Variants in ST6GAL2 observed in about 807,000 individuals in gnomAD.
ST6GAL2 encodes ST6 beta-galactoside alpha-2,6-sialyltransferase 2.
Under a neutral mutation model 37.5 loss-of-function variants are expected in ST6GAL2, and 24 were observed. The ratio of observed to expected loss-of-function variants is 0.64; its 90% CI spans 0.46 to 0.90. ST6GAL2 has a LOEUF of 0.90. ST6GAL2 is among the 40% of genes least tolerant of loss of function. The probability of loss-of-function intolerance (pLI) is 0.00; values close to 1 mark genes in which losing one functional copy is unlikely to be tolerated. For missense variants in ST6GAL2, 715 were observed against 712.7 expected, an observed-to-expected ratio of 1.00 and a Z score of -0.04; for synonymous variants, 306 against 295.1, an observed-to-expected ratio of 1.04 and a Z score of -0.38.
chr2:106,818,345 T>A (rs1443650405), intron 5 of ST6GAL2, among the ~76,000 whole-genome samples: 2 of 152,102 alleles, frequency 1.3e-5, no homozygotes, highest in African/African-American at 4.8e-5. Flanking sequence ...TGTCCCCCCT[T>A]CCCCACTCTA....
intron 1 of ST6GAL2, among the ~76,000 whole-genome samples, chr2:106,845,579 T>C (rs1256674600): frequency 4.6e-5 from 7 of 152,278 alleles, no homozygotes; most frequent in African/African-American, 1.7e-4. Flanking sequence ...TGTAATACAA[T>C]GGTTGTGTTT....
At chr2:106,872,189 GTA>G (rs1254381281) in intron 1 of ST6GAL2, among the ~76,000 whole-genome samples, 1 of 152,208 alleles carries the variant, frequency 6.6e-6, no homozygotes, top group Non-Finnish European at 1.5e-5. Flanking sequence ...ACTGAATGTT[GTA>G]TGTGGCACTT....
intron 1 of ST6GAL2, among the ~76,000 whole-genome samples, chr2:106,852,911 TC>T (rs1192624289): frequency 6.6e-6 from 1 of 152,196 alleles, no homozygotes. Flanking sequence ...TCACATTGTC[TC>T]GATTCCTCGT....
At chr2:106,814,153 C>A (rs1181734925) in intron 5 of ST6GAL2, among the ~76,000 whole-genome samples, 1 of 152,146 alleles carries the variant, frequency 6.6e-6, no homozygotes, top group Non-Finnish European at 1.5e-5. Context: ...ATTTTTAGCT[C>A]ATTTACACTG....
At chr2:106,843,005 G>A in intron 2 of ST6GAL2, 30 bp downstream of exon 2, 1 of 1,352,912 alleles carries the variant, frequency 7.4e-7, no homozygotes. Flanking sequence ...GCTCAAGACA[G>A]GGCGACCTGG....
intron 5 of ST6GAL2, among the ~76,000 whole-genome samples, chr2:106,818,991 G>T (rs1675903967): frequency 6.6e-6 from 1 of 152,006 alleles, no homozygotes; most frequent in South Asian, 2.1e-4. Context: ...AATTATTCAA[G>T]CAGAAGAAAG....
At chr2:106,845,978 G>A (rs984137833) in intron 1 of ST6GAL2, among the ~76,000 whole-genome samples, 2 of 152,138 alleles carry the variant, frequency 1.3e-5, no homozygotes, top group Admixed American at 1.3e-4. Flanking sequence ...CATCGAGGAA[G>A]CCCAAGCTAG....
chr2:106,872,667 TG>T (rs1412544559), intron 1 of ST6GAL2, among the ~76,000 whole-genome samples: 2 of 109,436 alleles, frequency 1.8e-5, no homozygotes, highest in African/African-American at 6.8e-5. Context: ...TGGAGTGCAG[TG>T]GCATGATCTC....
At chr2:106,829,092 G>T (rs1268519831) in intron 5 of ST6GAL2, among the ~76,000 whole-genome samples, 2 of 152,184 alleles carry the variant, frequency 1.3e-5, no homozygotes, top group Admixed American at 6.5e-5. Flanking sequence ...CTATCCTGTG[G>T]TCACAGATTC....
intron 4 of ST6GAL2, among the ~76,000 whole-genome samples, chr2:106,830,607 A>T (rs991492934): frequency 1.3e-5 from 2 of 152,220 alleles, no homozygotes; most frequent in Admixed American, 6.5e-5. Flanking sequence ...AGTCATGGAC[A>T]ATAAATACTG....
chr2:106,807,450 A>C (rs745835478), intron 5 of ST6GAL2, among the ~76,000 whole-genome samples: 1 of 152,214 alleles, frequency 6.6e-6, no homozygotes, highest in Non-Finnish European at 1.5e-5. Context: ...AAAACTGTAC[A>C]ATGGATCAGC....
intron 1 of ST6GAL2, among the ~76,000 whole-genome samples, chr2:106,861,536 A>G (rs1204280112): frequency 6.6e-6 from 1 of 152,218 alleles, no homozygotes; most frequent in Admixed American, 6.5e-5. Context: ...AATTTAGTGG[A>G]AATAACTGGT....
At chr2:106,842,942 C>T (rs898161402) in intron 2 of ST6GAL2, 93 bp downstream of exon 2, 23 of 956,294 alleles carry the variant, frequency 2.4e-5, no homozygotes, top group South Asian at 3.5e-5. Flanking sequence ...CAGCTTGCCC[C>T]GTCAGAGATC....
intron 1 of ST6GAL2, among the ~76,000 whole-genome samples, chr2:106,884,316 C>CA (rs1678871723): frequency 6.6e-6 from 1 of 152,324 alleles, no homozygotes; most frequent in African/African-American, 2.4e-5. Context: ...CCCTCTTCTG[C>CA]ATAATAAATC....
chr2:106,820,199 C>T (rs1371185898), intron 5 of ST6GAL2, among the ~76,000 whole-genome samples: 1 of 151,952 alleles, frequency 6.6e-6, no homozygotes, highest in Admixed American at 6.6e-5. Context: ...CAAAACAAGA[C>T]CCAATGATCT....
intron 1 of ST6GAL2, among the ~76,000 whole-genome samples, chr2:106,869,047 C>T (rs976168717): frequency 6.6e-6 from 1 of 151,976 alleles, no homozygotes; most frequent in Non-Finnish European, 1.5e-5. Flanking sequence ...ATCTGCTAAC[C>T]ACTGGGGATA....
intron 1 of ST6GAL2, among the ~76,000 whole-genome samples, chr2:106,855,999 T>C (rs1677558911): frequency 6.6e-6 from 1 of 152,182 alleles, no homozygotes; most frequent in Non-Finnish European, 1.5e-5. Context: ...GGAACAACGA[T>C]TACAATCCTG....
chr2:106,807,081 T>A, intron 5 of ST6GAL2, 132 bp from the exon 6 acceptor site: 1 of 731,274 alleles, frequency 1.4e-6, no homozygotes, highest in Non-Finnish European at 2.2e-6. Flanking sequence ...GTTGTTGCAT[T>A]TGCAATGTTA....
At chr2:106,872,551 A>G (rs1352324285) in intron 1 of ST6GAL2, among the ~76,000 whole-genome samples, 1 of 152,180 alleles carries the variant, frequency 6.6e-6, no homozygotes, top group Non-Finnish European at 1.5e-5. Flanking sequence ...ACGTAAATGG[A>G]GAAGTGACAT....
Sources: allele counts gnomAD v4.1 joint callset (sites outside exome capture counted in the v4.1 genomes callset), GRCh38; gene constraint gnomAD v4.1.1; transcripts MANE v1.5; gene names NCBI Gene and HGNC (gene_info 2026-07-23, HGNC 2026-07-21).